Variants in NOS1 observed in about 807,000 individuals in gnomAD.
NOS1 encodes nitric oxide synthase 1, also known as NOS type I.
NOS1 carries 51 observed loss-of-function variants against 164.5 expected under a neutral mutation model. The ratio of observed to expected loss-of-function variants is 0.31; its 90% CI spans 0.25 to 0.39. The LOEUF is 0.39. Ranked by LOEUF, NOS1 falls within the 10% of genes least tolerant of loss-of-function variation. The pLI is 1.00. For synonymous variants in NOS1, 719 were observed against 745.8 expected, an observed-to-expected ratio of 0.96 and a Z score of 0.59; for missense variants, 1,362 against 1,885.6, an observed-to-expected ratio of 0.72 and a Z score of 5.14.
intron 3 of NOS1, among the ~76,000 whole-genome samples, chr12:117,297,846 G>A (rs1210145872): frequency 6.6e-6 from 1 of 152,040 alleles, no homozygotes; most frequent in South Asian, 2.1e-4. Context: ...CCTAGTAGTG[G>A]CTGTCACTGT....
chr12:117,272,522 C>T lies in NOS1; in HGVS notation c.1702G>A (p.Gly568Ser), dbSNP rs745892224. 52 of 1,614,026 alleles carry T rather than the reference C, an allele frequency of 3.2e-5. No homozygotes were observed. In the East Asian group the frequency reaches 6.5e-4, roughly 20 times the overall value. ...WFKDLGLKWY[G>S]LPAVSNMLLE... ...AGCATGTTGGACACGGCGGGGAGGC[C>T]GTACCACTTCAGCCCCAGGTCCTTG... The change falls in exon 10 of 29, where the codon GGC becomes AGC. Residue 568 changes from glycine (G) to serine (S), a missense_variant. Physicochemically the swap from Gly to Ser is moderately conservative, Grantham distance 56 (BLOSUM62 0). Coordinates refer to ENST00000317775, the MANE Select transcript of NOS1 (RefSeq NM_000620.5). This position sits in a 1 kb window ranked among gnomAD's most constrained non-coding sequence, Gnocchi z 4.3.
chr12:117,225,423 T>G (rs1423626581), intron 24 of NOS1, among the ~76,000 whole-genome samples: 1 of 152,080 alleles, frequency 6.6e-6, no homozygotes, highest in African/African-American at 2.4e-5. Flanking sequence ...CCCTGGTCAC[T>G]TGGGGTGAAC....
At chr12:117,321,851 C>T (rs892827044) in intron 2 of NOS1, among the ~76,000 whole-genome samples, 7 of 152,012 alleles carry the variant, frequency 4.6e-5, no homozygotes, top group African/African-American at 9.7e-5. Context: ...AAGCAAAAAC[C>T]GAGCCAGTCC....
At position 117,290,302 on chromosome 12, in the gene NOS1, G is replaced by A; in HGVS notation, c.977C>T (p.Thr326Ile). Residue 326 changes from threonine to isoleucine, a missense_variant, in exon 4 of 29, where the codon ACA becomes ATA. By Grantham distance (89) the Thr-to-Ile change is moderately conservative. Coordinates refer to ENST00000317775, the MANE Select transcript of NOS1 (RefSeq NM_000620.5). ...ACACCCTGCTGGGATACTTACCAATGTGCTCTTAAGGTGGAGGGTGTCAGT... is the reference window on the plus strand; with the variant it reads ...ACACCCTGCTGGGATACTTACCAATATGCTCTTAAGGTGGAGGGTGTCAGT... The part of the protein sequence containing the change: ...VLTDTLHLKS[T>I]LETGCTEYIC... The A allele has an allele frequency of 6.2e-7, 1 of 1,614,086 alleles. No homozygotes were observed. The highest frequency in any genetic ancestry group is 1.1e-5 in the South Asian group (1 of 91,028).
At chr12:117,282,198 ACAT>A (rs1389126531) in intron 7 of NOS1, among the ~76,000 whole-genome samples, 1 of 152,080 alleles carries the variant, frequency 6.6e-6, no homozygotes, top group African/African-American at 2.4e-5. Context: ...TTTCTCCTCA[ACAT>A]CATCATCAGG....
chr12:117,336,893 C>A (rs1292044027), intron 1 of NOS1, among the ~76,000 whole-genome samples: 2 of 151,652 alleles, frequency 1.3e-5, no homozygotes, highest in Non-Finnish European at 2.9e-5. Flanking sequence ...ACCTCCCAGG[C>A]TCAAGTGATC....
chr12:117,305,917 G>A (rs1874121795), intron 3 of NOS1, among the ~76,000 whole-genome samples: 1 of 151,450 alleles, frequency 6.6e-6, no homozygotes, highest in Non-Finnish European at 1.5e-5. Context: ...TCAGCCTCCC[G>A]AGTAGCTAGG....
intron 7 of NOS1, 78 bp from the exon 8 acceptor site, chr12:117,280,944 A>G (rs1369012546): frequency 1.3e-6 from 2 of 1,518,504 alleles, no homozygotes; most frequent in East Asian, 4.6e-5. Context: ...GGCGCCACCC[A>G]GGGCGACAGC....
Position 117,208,291 on chromosome 12 carries a change from C to T in NOS1, c.*7018G>A, listed in dbSNP as rs774364838. The T allele has an allele frequency of 6.1e-5, 78 of 1,288,592 alleles. No homozygotes were observed. Among genetic ancestry groups the T allele is most frequent in the Non-Finnish European group, 7.5e-5 (74 of 988,510 alleles). 79.8% of individuals were successfully genotyped at this position (1,288,592 alleles called of 1,614,324 possible). The stretch of plus-strand genomic sequence containing the variant: ...AACCTCGCAAAGAGCGTGGGGTGGG[C>T]GTCAGTCCTTCAAGGAAGGTGCTGG... On this transcript the variant is annotated 3_prime_UTR_variant, in exon 29 of 29. Coordinates refer to ENST00000317775, the MANE Select transcript of NOS1 (RefSeq NM_000620.5).
At chr12:117,308,125 A>G (rs182208719) in intron 3 of NOS1, among the ~76,000 whole-genome samples, 1 of 152,286 alleles carries the variant, frequency 6.6e-6, no homozygotes, top group Non-Finnish European at 1.5e-5. Flanking sequence ...AGAGGGAGAC[A>G]ATAGGGAGTG....
Position 117,335,494 on chromosome 12 carries a change from A to G in NOS1, c.-420-4005T>C, listed in dbSNP as rs942764225. On this transcript the variant is annotated intron_variant, in intron 1 of 28. Transcript: ENST00000317775. ...TTTACCTTGCTGTGAGGAAATTAGTAGCTGACTATCGGGGATGGCTGCCAA... is the reference window on the plus strand; with the variant it reads ...TTTACCTTGCTGTGAGGAAATTAGTGGCTGACTATCGGGGATGGCTGCCAA... Among the ~76,000 whole-genome samples the G allele has an allele frequency of 2.6e-5, 4 of 152,168 alleles. No homozygotes were observed. The South Asian group carries it at 8.3e-4, about 32-fold the overall frequency.
intron 17 of NOS1, among the ~76,000 whole-genome samples, chr12:117,250,886 C>T (rs933677155): frequency 2.0e-5 from 3 of 152,144 alleles, no homozygotes; most frequent in Non-Finnish European, 4.4e-5. Flanking sequence ...GTGATGTCTG[C>T]CATATTCAAT....
In NOS1 at chr12:117,214,534, T is replaced by C. The variant is rs527279897; in HGVS notation, c.*775A>G. On this transcript the variant is annotated 3_prime_UTR_variant, in exon 29 of 29. Transcript: ENST00000317775. ...ATGGGTTCATGTCACATGAGGGCTC[T>C]GCTCACTGGTATCAAAATCTAAATG... 1.2e-5 allele frequency: 12 copies of C among 985,438 alleles called. No homozygotes were observed. The African/African-American group carries it at 1.6e-4, about 13-fold the overall frequency. 61.0% of individuals were successfully genotyped at this position (985,438 alleles called of 1,614,324 possible).
intron 16 of NOS1, chr12:117,255,994 G>A (rs761541123): frequency 2.0e-6 from 3 of 1,476,834 alleles, no homozygotes; most frequent in South Asian, 1.4e-5. Context: ...CCATTGGGGA[G>A]GGGAGGCCCT....
At chr12:117,314,839 T>G (rs1490343739) in intron 2 of NOS1, among the ~76,000 whole-genome samples, 1 of 152,176 alleles carries the variant, frequency 6.6e-6, no homozygotes, top group Non-Finnish European at 1.5e-5. Flanking sequence ...GCTCCTGACC[T>G]CAGGCGATCC....
chr12:117,338,217 A>C (rs1211900374), intron 1 of NOS1, among the ~76,000 whole-genome samples: 2 of 151,344 alleles, frequency 1.3e-5, no homozygotes, highest in African/African-American at 4.9e-5. Context: ...ACTCTGTCTC[A>C]AACAAAACAA....
intron 3 of NOS1, among the ~76,000 whole-genome samples, chr12:117,299,215 C>T (rs1011788193): frequency 6.6e-5 from 10 of 152,310 alleles, no homozygotes; most frequent in African/African-American, 2.4e-4. Context: ...CCCACTTATC[C>T]GTACAATTAA....
In NOS1 at chr12:117,215,674, CT is replaced by C. The variant is rs1956595564; in HGVS notation, c.4290-351del. Among the ~76,000 whole-genome samples the C allele has an allele frequency of 9.9e-5, 15 of 152,150 alleles. No homozygotes were observed. In the East Asian group the frequency reaches 2.9e-3, roughly 30 times the overall value. Reference sequence around the variant, plus strand: ...TCTCAAACTCCTGACCTCAGGTGATCTGCCCGCCTCAGCCTCCCAAAGTGCT... The same window carrying C: ...TCTCAAACTCCTGACCTCAGGTGATCGCCCGCCTCAGCCTCCCAAAGTGCT... On this transcript the variant is annotated intron_variant, in intron 28 of 28. Transcript: ENST00000317775.
chr12:117,289,839 T>A (rs1429754779), intron 4 of NOS1, among the ~76,000 whole-genome samples: 1 of 152,176 alleles, frequency 6.6e-6, no homozygotes. Context: ...GCTTTTAGCT[T>A]CCCTATCTTT....
Sources: gnomAD v4.1 joint callset for allele counts (sites outside exome capture counted in the v4.1 genomes callset) on GRCh38, gnomAD v4.1.1 for gene constraint, Gnocchi (gnomAD v3.1) non-coding constraint, MANE v1.5 for transcripts, NCBI Gene and HGNC (gene_info 2026-07-23, HGNC 2026-07-21) for gene names.